Variants in IGHMBP2 observed in about 807,000 individuals in gnomAD.
IGHMBP2 encodes DNA-binding protein SMUBP-2.
IGHMBP2 carries 81 observed loss-of-function variants against 96.0 expected under a neutral mutation model. The ratio of observed to expected loss-of-function variants is 0.84; its 90% CI spans 0.71 to 1.01. The LOEUF (loss-of-function observed/expected upper bound fraction) is 1.01. Ranked by LOEUF, IGHMBP2 falls within the 50% of genes least tolerant of loss-of-function variation. The pLI is 0.00. For missense variants in IGHMBP2, 1,227 were observed against 1,306.3 expected, an observed-to-expected ratio of 0.94 and a Z score of 0.94; for synonymous variants, 557 against 548.9, an observed-to-expected ratio of 1.01 and a Z score of -0.21.
intron 11 of IGHMBP2, among the ~76,000 whole-genome samples, chr11:68,934,853 C>T (rs1594453605): frequency 2.6e-5 from 4 of 152,350 alleles, no homozygotes; most frequent in East Asian, 1.9e-4. Flanking sequence ...AGTCCTTCCA[C>T]GGGCAGCCCT....
At chr11:68,920,999 G>A (rs1858854809) in intron 7 of IGHMBP2, among the ~76,000 whole-genome samples, 2 of 152,078 alleles carry the variant, frequency 1.3e-5, no homozygotes, top group Non-Finnish European at 1.5e-5. Context: ...GTCTTGCAAT[G>A]TTGCCCAGGC....
At chr11:68,928,487 G>T (rs1859152733) in intron 7 of IGHMBP2, among the ~76,000 whole-genome samples, 1 of 152,234 alleles carries the variant, frequency 6.6e-6, no homozygotes, top group South Asian at 2.1e-4. Context: ...AGGCAGAAAG[G>T]GTGGGAACTA....
intron 6 of IGHMBP2, among the ~76,000 whole-genome samples, chr11:68,916,268 C>G (rs1317364276): frequency 6.6e-6 from 1 of 152,152 alleles, no homozygotes; most frequent in East Asian, 1.9e-4. Context: ...TGAACATAAA[C>G]ATTGAAAAAA....
intron 8 of IGHMBP2, chr11:68,932,776 T>G (rs1594450524): frequency 6.2e-6 from 1 of 162,296 alleles, no homozygotes; most frequent in Non-Finnish European, 1.4e-5. Context: ...AATCTGGGGG[T>G]CAGATGTCCA....
intron 7 of IGHMBP2, among the ~76,000 whole-genome samples, chr11:68,924,603 C>G (rs1563163): frequency 0.2 from 30,652 of 152,230 alleles, 3,353 homozygotes; most frequent in Non-Finnish European, 0.25. Flanking sequence ...TGGCTGGAGG[C>G]CGCTCTTAGC....
intron 7 of IGHMBP2, among the ~76,000 whole-genome samples, chr11:68,919,558 C>A (rs759385886): frequency 9.8e-5 from 15 of 152,316 alleles, no homozygotes; most frequent in Middle Eastern, 6.8e-3. Context: ...GTGAGTGTTC[C>A]ATGCACACTT....
chr11:68,934,406 G>C, intron 10 of IGHMBP2, 58 bp from the exon 11 acceptor site: 1 of 1,219,710 alleles, frequency 8.2e-7, no homozygotes. Flanking sequence ...ACGTGTTGGT[G>C]GTGGATGCCC....
Position 68,936,421 on chromosome 11 carries a change from C to T in IGHMBP2, c.1941C>T (p.Val647=), listed in dbSNP as rs1859530145. The stretch of plus-strand genomic sequence containing the variant: ...CCTTTGAGTATCTTGACGATATTGT[C>T]CCAGAAAACTATTCCCATGAGAACT... The part of the protein sequence containing the change: ...RTAFEYLDDI[V]PENYSHENSQ... Residue 647 remains valine, a synonymous_variant, in exon 13 of 15, where the codon GTC becomes GTT. Transcript: ENST00000255078. 1 of 1,614,122 alleles carries T rather than the reference C, an allele frequency of 6.2e-7. No individual in the cohort carries two copies. The highest frequency in any genetic ancestry group is 8.5e-7 in the Non-Finnish European group (1 of 1,180,018).
intron 7 of IGHMBP2, among the ~76,000 whole-genome samples, chr11:68,920,924 G>A (rs1220993891): frequency 2.0e-5 from 3 of 152,104 alleles, no homozygotes; most frequent in Non-Finnish European, 2.9e-5. Context: ...TAGTACTGTA[G>A]GCATGAGCCA....
chr11:68,934,739 T>G (rs1307677870), intron 11 of IGHMBP2, among the ~76,000 whole-genome samples, 181 bp downstream of exon 11: 1 of 152,232 alleles, frequency 6.6e-6, no homozygotes, highest in Non-Finnish European at 1.5e-5. Flanking sequence ...CGTGTTCGTC[T>G]GCCCGCCCCA....
chr11:68,917,454 C>T (rs760656055), intron 6 of IGHMBP2, among the ~76,000 whole-genome samples: 2 of 152,176 alleles, frequency 1.3e-5, no homozygotes, highest in Admixed American at 1.3e-4. Flanking sequence ...AGATCAAATG[C>T]CTGTGTGCAG....
chr11:68,936,759 A>G lies in IGHMBP2; in HGVS notation c.2279A>G (p.Gln760Arg), dbSNP rs1214445473. 1 of 1,614,096 alleles carries G rather than the reference A, an allele frequency of 6.2e-7. No homozygotes were observed. Residue 760 changes from glutamine to arginine, a missense_variant, in exon 13 of 15, where the codon CAA becomes CGA. By Grantham distance (43) the Gln-to-Arg change is conservative. Coordinates refer to ENST00000255078, the MANE Select transcript of IGHMBP2 (RefSeq NM_002180.3). The stretch of plus-strand genomic sequence containing the variant: ...TCCCACGACAGGCTGCGGGTCCACC[A>G]AATAGCCGAGGAGCACGGGCTGAGG... Reference protein sequence around the residue: ...LNSHDRLRVHQIAEEHGLRHD... With the variant: ...LNSHDRLRVHRIAEEHGLRHD...
chr11:68,917,801 A>G lies in IGHMBP2; in HGVS notation c.978A>G (p.Leu326=). 1 of 1,613,670 alleles carries G rather than the reference A, an allele frequency of 6.2e-7. No individual in the cohort carries two copies. Among genetic ancestry groups the G allele is most frequent in the East Asian group, 2.2e-5 (1 of 44,890 alleles). Residue 326 remains leucine (L), a synonymous_variant, in exon 7 of 15, where the codon TTA becomes TTG. Coordinates refer to ENST00000255078, the MANE Select transcript of IGHMBP2 (RefSeq NM_002180.3). ...ATTTTCGAAATGAAATTAAGCTGTTAAGAAAAGAACTGAAGGAGAGGGAAG... is the reference window on the plus strand; with the variant it reads ...ATTTTCGAAATGAAATTAAGCTGTTGAGAAAAGAACTGAAGGAGAGGGAAG... ...KSNFRNEIKL[L]RKELKEREEA...
In IGHMBP2 at chr11:68,904,005, A is replaced by G; in HGVS notation, c.53A>G (p.Glu18Gly). ...GTGACCAAGCAACTGGACCTGCTGG[A>G]GCTTGAGAGAGACGCGGAGGTGGAG... The part of the protein sequence containing the change: ...SFVTKQLDLL[E>G]LERDAEVEER... The change falls in exon 1 of 15, where the codon GAG becomes GGG. Residue 18 changes from glutamate to glycine, a missense_variant. Transcript: ENST00000255078. 6.4e-7 allele frequency: 1 copy of G among 1,550,580 alleles called. No individual in the cohort carries two copies. Among genetic ancestry groups the G allele is most frequent in the Non-Finnish European group, 8.7e-7 (1 of 1,146,900 alleles).
At chr11:68,934,603 A>G in intron 11 of IGHMBP2, 45 bp downstream of exon 11, 1 of 1,402,866 alleles carries the variant, frequency 7.1e-7, no homozygotes, top group Non-Finnish European at 1.0e-6. Context: ...GCTGGGGCTC[A>G]CACAACCTAG....
At chr11:68,918,333 C>CAT (rs1858749756) in intron 7 of IGHMBP2, among the ~76,000 whole-genome samples, 1 of 150,580 alleles carries the variant, frequency 6.6e-6, no homozygotes, top group Admixed American at 6.6e-5. Flanking sequence ...TATATACATA[C>CAT]ATATATATTT....
intron 14 of IGHMBP2, 84 bp from the exon 15 acceptor site, chr11:68,939,449 GC>G (rs1859666740): frequency 1.4e-6 from 2 of 1,453,084 alleles, no homozygotes; most frequent in Non-Finnish European, 1.9e-6. Flanking sequence ...GGCGCCTGTG[GC>G]CCCCCAGCTC....
At position 68,933,866 on chromosome 11, in the gene IGHMBP2, G is replaced by T. The variant is rs1282220660; in HGVS notation, c.1490G>T (p.Gly497Val). The T allele has an allele frequency of 6.2e-7, 1 of 1,605,894 alleles. No homozygotes were observed. Among genetic ancestry groups the T allele is most frequent in the East Asian group, 2.2e-5 (1 of 44,654 alleles). The change falls in exon 10 of 15, where the codon GGG (glycine) becomes GTG (valine). Residue 497 changes from glycine (G) to valine (V), a missense_variant. Gly to Val is a moderately radical substitution (Grantham distance 109). This residue lies in a region of IGHMBP2 where 703 missense variants were observed against 770.3 expected (regional missense o/e 0.91). Coordinates refer to ENST00000255078, the MANE Select transcript of IGHMBP2 (RefSeq NM_002180.3). ...CTCTTGGTGGACACCGCCGGCTGCG[G>T]GCTGTTTGAGCTGGAGGAGGAGGAC... ...PLLLVDTAGC[G>V]LFELEEEDEQ... is the part of the protein sequence containing the mutation.
intron 7 of IGHMBP2, among the ~76,000 whole-genome samples, chr11:68,920,865 T>C (rs1566434449): frequency 6.6e-6 from 1 of 152,228 alleles, no homozygotes; most frequent in African/African-American, 2.4e-5. Flanking sequence ...TGCTGTAGCC[T>C]TGCATTCTTT....
Sources: allele counts gnomAD v4.1 joint callset (sites outside exome capture counted in the v4.1 genomes callset), GRCh38; gene constraint gnomAD v4.1.1; regional missense constraint gnomAD v4.1.1; transcripts MANE v1.5; gene names NCBI Gene and HGNC (gene_info 2026-07-23, HGNC 2026-07-21).